Variants in HDLBP observed in about 807,000 individuals in gnomAD.
HDLBP encodes high density lipoprotein binding protein, also known as vigilin.
Under a neutral mutation model 137.3 loss-of-function variants are expected in HDLBP, and 30 were observed. The observed-to-expected ratio is 0.22, with a 90% CI of 0.16 to 0.30. The LOEUF is 0.30. Ranked by LOEUF, HDLBP falls within the 10% of genes least tolerant of loss-of-function variation. The pLI is 1.00. For missense variants in HDLBP, 1,119 were observed against 1,667.3 expected (o/e 0.67, Z 5.73); for synonymous variants, 606 against 596.0 (o/e 1.02, Z -0.24).
intron 20 of HDLBP, among the ~76,000 whole-genome samples, chr2:241,236,978 G>GGC (rs1553636756): frequency 1.5e-4 from 1 of 6,636 alleles, no homozygotes; most frequent in African/African-American, 5.0e-4. Context: ...CCCAGACCTT[G>GGC]GGGGGGGGGG....
rs1295391340 is a variant in HDLBP at position 241,230,133 on chromosome 2, C to T, written c.3591+20G>A. The stretch of plus-strand genomic sequence containing the variant: ...GACGTGCCAGGGCGCCTCAGGGCTC[C>T]AAGGCCCACAGAGACTCACGTATTC... On this transcript the variant is annotated intron_variant, in intron 26 of 27. Transcript: ENST00000310931. The surrounding 1 kb of genome is among the most constrained non-coding windows in gnomAD (Gnocchi z 5.0). The T allele has an allele frequency of 1.9e-6, 3 of 1,600,702 alleles. No individual in the cohort carries two copies. The highest frequency in any genetic ancestry group is 2.7e-5 in the African/African-American group (2 of 74,682).
intron 13 of HDLBP, 24 bp downstream of exon 13, chr2:241,248,220 C>A: frequency 2.5e-6 from 4 of 1,589,104 alleles, no homozygotes; most frequent in Non-Finnish European, 3.5e-6. Context: ...TATAGAGTTA[C>A]AGAATGTCTC....
intron 1 of HDLBP, among the ~76,000 whole-genome samples, chr2:241,275,190 G>A (rs959375619): frequency 3.3e-5 from 5 of 151,514 alleles, no homozygotes; most frequent in South Asian, 2.1e-4. Context: ...CCCCCACCCC[G>A]CCTCAGGAAA....
At chr2:241,280,703 T>G (rs1473783802) in intron 1 of HDLBP, among the ~76,000 whole-genome samples, 1 of 152,228 alleles carries the variant, frequency 6.6e-6, no homozygotes, top group Admixed American at 6.5e-5. Context: ...TTTCAGAATC[T>G]TGCTCAGATA....
intron 5 of HDLBP, among the ~76,000 whole-genome samples, chr2:241,261,403 T>C (rs1324074729): frequency 1.3e-5 from 2 of 152,142 alleles, no homozygotes; most frequent in African/African-American, 2.4e-5. Flanking sequence ...ATCAATATGA[T>C]TACATGAGTT....
chr2:241,300,521 A>C (rs972109548), intron 1 of HDLBP, among the ~76,000 whole-genome samples: 1 of 152,250 alleles, frequency 6.6e-6, no homozygotes, highest in Non-Finnish European at 1.5e-5. Context: ...GACAAGCATA[A>C]GTACATACTG....
intron 1 of HDLBP, among the ~76,000 whole-genome samples, chr2:241,297,691 G>A (rs558640344): frequency 1.3e-5 from 2 of 152,104 alleles, no homozygotes; most frequent in South Asian, 2.1e-4. Context: ...TCTGGGGCAG[G>A]GAAGGTACAT....
At chr2:241,296,645 C>G (rs1460752022) in intron 1 of HDLBP, among the ~76,000 whole-genome samples, 2 of 152,082 alleles carry the variant, frequency 1.3e-5, no homozygotes, top group Non-Finnish European at 2.9e-5. Context: ...CACAAACACA[C>G]GAATAGATGT....
intron 11 of HDLBP, among the ~76,000 whole-genome samples, chr2:241,251,594 C>A (rs4675976): frequency 0.033 from 5,082 of 152,324 alleles, 529 homozygotes; most frequent in Admixed American, 0.19. Context: ...CACCTTCCAC[C>A]CAAAGGTAAC....
chr2:241,301,127 C>A (rs1051850505), intron 1 of HDLBP, among the ~76,000 whole-genome samples: 1 of 150,360 alleles, frequency 6.7e-6, no homozygotes, highest in African/African-American at 2.4e-5. Context: ...CAGGCGCCCG[C>A]CACCAGGCCC....
Position 241,230,062 on chromosome 2 carries a change from G to GGTGGCACTTGTGTT in HDLBP, c.3591+90_3591+91insAACACAAGTGCCAC. On this transcript the variant is annotated intron_variant, in intron 26 of 27. Coordinates refer to ENST00000310931, the MANE Select transcript of HDLBP (RefSeq NM_005336.6). The surrounding 1 kb of genome is among the most constrained non-coding windows in gnomAD (Gnocchi z 5.0). ...ACCTCGCCTGCCTCTGGAAACACAA[G>GGTGGCACTTGTGTT]TGCCACCTTGTCCCCTGAAGCTCCT... 6.3e-7 allele frequency: 1 copy of GGTGGCACTTGTGTT among 1,584,032 alleles called. No homozygotes were observed. Among genetic ancestry groups the GGTGGCACTTGTGTT allele is most frequent in the Non-Finnish European group, 8.6e-7 (1 of 1,159,416 alleles).
Position 241,264,431 on chromosome 2 carries a change from A to T in HDLBP, c.234+17T>A. The T allele has an allele frequency of 1.3e-6, 2 of 1,558,706 alleles. No individual in the cohort carries two copies. The highest frequency in any genetic ancestry group is 2.8e-5 in the African/African-American group (2 of 72,620). On this transcript the variant is annotated intron_variant, in intron 4 of 27. Transcript: ENST00000310931. Reference sequence around the variant, plus strand: ...GTTACATGATAAAATTTTTAAAAGAAAGAATGGTGTTTCTACCTGAGTGAT... The same window carrying T: ...GTTACATGATAAAATTTTTAAAAGATAGAATGGTGTTTCTACCTGAGTGAT...
At chr2:241,286,660 G>A (rs1438323822) in intron 1 of HDLBP, among the ~76,000 whole-genome samples, 1 of 152,222 alleles carries the variant, frequency 6.6e-6, no homozygotes. Flanking sequence ...ACCTCCTGAG[G>A]CTGGGTCACG....
chr2:241,295,027 G>A (rs1327243851), intron 1 of HDLBP, among the ~76,000 whole-genome samples: 1 of 152,062 alleles, frequency 6.6e-6, no homozygotes, highest in Non-Finnish European at 1.5e-5. Flanking sequence ...TCTTGAACCC[G>A]GGAGGCGGAG....
chr2:241,248,188 G>T (rs2071829279), intron 13 of HDLBP, 56 bp downstream of exon 13: 1 of 1,551,740 alleles, frequency 6.4e-7, no homozygotes, highest in Non-Finnish European at 8.9e-7. Flanking sequence ...AAATATTCCT[G>T]AAGTGTGACT....
chr2:241,235,284 T>G (rs1041241353), intron 22 of HDLBP, 29 bp from the exon 23 acceptor site: 6 of 1,613,884 alleles, frequency 3.7e-6, no homozygotes, highest in Non-Finnish European at 5.1e-6. Flanking sequence ...GACTTGACGT[T>G]CAGGACCCCA....
At chr2:241,235,007 T>G in intron 23 of HDLBP, 114 bp downstream of exon 23, 30 of 1,324,700 alleles carry the variant, frequency 2.3e-5, no homozygotes, top group Non-Finnish European at 3.1e-5. Context: ...GCATCTCACC[T>G]CCAGCCAGAT....
chr2:241,272,654 C>A lies in HDLBP; in HGVS notation c.-102-4113G>T. On this transcript the variant is annotated intron_variant, in intron 1 of 27. Coordinates refer to ENST00000310931, the MANE Select transcript of HDLBP (RefSeq NM_005336.6). This position sits in a 1 kb window ranked among gnomAD's most constrained non-coding sequence, Gnocchi z 5.6. ...GGCCGCGGCACCCGGGCCCCTCCCC[C>A]TCCGCGGCCTCCACGTCAGCAGCCA... 2 of 932,246 alleles carry A rather than the reference C, an allele frequency of 2.1e-6. No individual in the cohort carries two copies. Among genetic ancestry groups the A allele is most frequent in the Non-Finnish European group, 1.3e-6 (1 of 783,396 alleles). The allele number at this position is 932,246 out of a possible 1,614,324, so 57.7% of individuals were successfully genotyped here. A position where few individuals can be genotyped will look rare whatever the true frequency, so the allele number is the denominator to read the frequency against.
At chr2:241,283,926 T>G (rs923683657) in intron 1 of HDLBP, among the ~76,000 whole-genome samples, 2 of 152,168 alleles carry the variant, frequency 1.3e-5, no homozygotes, top group Non-Finnish European at 2.9e-5. Context: ...CTAAATATAC[T>G]CTGCCTGTGC....
Sources: gnomAD v4.1 joint callset for allele counts (sites outside exome capture counted in the v4.1 genomes callset) on GRCh38, gnomAD v4.1.1 for gene constraint, Gnocchi (gnomAD v3.1) non-coding constraint, MANE v1.5 for transcripts, NCBI Gene and HGNC (gene_info 2026-07-23, HGNC 2026-07-21) for gene names.